Variants in KDM4C observed in about 807,000 individuals in gnomAD.
KDM4C encodes the protein lysine demethylase 4C, also known as lysine-specific demethylase 4C.
Under a neutral mutation model 129.3 loss-of-function variants are expected in KDM4C, and 81 were observed. That is an observed-to-expected ratio of 0.63 (90% CI 0.52 to 0.75). The LOEUF (loss-of-function observed/expected upper bound fraction) is 0.75. Among genes scored for constraint, KDM4C ranks in the 30% least tolerant of loss-of-function variants. The pLI, the probability that KDM4C is intolerant of heterozygous loss-of-function variation, is 0.00. For missense variants in KDM4C, 1,457 were observed against 1,304.0 expected (o/e 1.12, Z -1.81); for synonymous variants, 573 against 456.1 (o/e 1.26, Z -3.26).
chr9:6,827,543 G>T (rs1834095677), intron 4 of KDM4C, among the ~76,000 whole-genome samples: 1 of 152,224 alleles, frequency 6.6e-6, no homozygotes, highest in African/African-American at 2.4e-5. Context: ...TCATCCAGCA[G>T]ATGGTGCTCT....
At chr9:6,743,015 A>C (rs1817752849) in intron 1 of KDM4C, among the ~76,000 whole-genome samples, 1 of 152,154 alleles carries the variant, frequency 6.6e-6, no homozygotes, top group African/African-American at 2.4e-5. Flanking sequence ...AGTTTAAAAA[A>C]TAAAACAAAA....
At chr9:6,753,641 T>C (rs962643766), upstream of KDM4C, among the ~76,000 whole-genome samples, 1 of 152,050 alleles carries the variant, frequency 6.6e-6, no homozygotes, top group African/African-American at 2.4e-5. Context: ...AGTCCAGGAC[T>C]GAGGGGCTGT....
rs564924143 is a variant in KDM4C at position 6,740,035 on chromosome 9, G to A, written c.49+19038G>A. On this transcript the variant is annotated intron_variant, in intron 1 of 17. Coordinates refer to the KDM4C transcript ENST00000536108. ...CTCCCAAGCAGCTGGGACTACAGGC[G>A]CGCGCCACCACACTCAGCTAATTTT... Among the ~76,000 whole-genome samples the A allele has an allele frequency of 2.8e-3, 426 of 151,998 alleles. 3 individuals carry two copies. The highest frequency in any genetic ancestry group is 4.2e-3 in the Non-Finnish European group (287 of 67,994).
At chr9:7,158,705 A>G (rs1188872577) in intron 19 of KDM4C, among the ~76,000 whole-genome samples, 2 of 152,140 alleles carry the variant, frequency 1.3e-5, no homozygotes, top group African/African-American at 4.8e-5. Flanking sequence ...GGTCTGAGAG[A>G]CAGTTTACAG....
chr9:6,741,853 C>A (rs1207000919), intron 1 of KDM4C, among the ~76,000 whole-genome samples: 2 of 151,524 alleles, frequency 1.3e-5, no homozygotes, highest in Non-Finnish European at 2.9e-5. Flanking sequence ...TCCACGTGAG[C>A]CATCATGCCT....
At chr9:6,863,579 G>A (rs1841371542) in intron 5 of KDM4C, among the ~76,000 whole-genome samples, 1 of 151,942 alleles carries the variant, frequency 6.6e-6, no homozygotes, top group African/African-American at 2.4e-5. Context: ...GGCGGATCAC[G>A]AGGTCAGGAG....
intron 8 of KDM4C, chr9:6,925,287 T>C: frequency 4.1e-6 from 4 of 985,228 alleles, no homozygotes; most frequent in Non-Finnish European, 4.8e-6. Flanking sequence ...TATGGGAAAA[T>C]ATAATAATGG....
At chr9:6,979,226 A>G (rs1816330277) in intron 8 of KDM4C, among the ~76,000 whole-genome samples, 1 of 152,204 alleles carries the variant, frequency 6.6e-6, no homozygotes, top group African/African-American at 2.4e-5. Flanking sequence ...CATTTTCTTT[A>G]TTCCAATGGC....
intron 19 of KDM4C, among the ~76,000 whole-genome samples, chr9:7,149,498 C>T (rs994363733): frequency 2.6e-5 from 4 of 152,368 alleles, no homozygotes; most frequent in Admixed American, 2.6e-4. Flanking sequence ...GGGCACGGGG[C>T]TCCCACTGGG....
chr9:6,987,760 T>C lies in KDM4C; in HGVS notation c.1677+1094T>C, dbSNP rs1461528920. ...TAGAATTGTATATCTCATTGAATTA[T>C]AAACACATCAAAAATATGAAAGATA... On this transcript the variant is annotated intron_variant, in intron 11 of 21. Coordinates refer to ENST00000381309, the MANE Select transcript of KDM4C (RefSeq NM_015061.6). Among the ~76,000 whole-genome samples the C allele has an allele frequency of 2.0e-5, 3 of 152,308 alleles. No homozygotes were observed. In the East Asian group the frequency reaches 5.8e-4, roughly 29 times the overall value.
At chr9:7,169,342 A>AT (rs1294450985) in intron 20 of KDM4C, among the ~76,000 whole-genome samples, 3 of 151,878 alleles carry the variant, frequency 2.0e-5, no homozygotes, top group Non-Finnish European at 4.4e-5. Flanking sequence ...TTATTTATTT[A>AT]TTTTTTTGTT....
chr9:7,144,854 AG>A (rs1470623861), intron 19 of KDM4C, among the ~76,000 whole-genome samples: 2 of 152,278 alleles, frequency 1.3e-5, no homozygotes, highest in Non-Finnish European at 1.5e-5. Flanking sequence ...AGCTATTCTT[AG>A]GTCTCAGCCC....
chr9:7,022,846 G>A (rs922250200), intron 15 of KDM4C, among the ~76,000 whole-genome samples: 2 of 151,826 alleles, frequency 1.3e-5, no homozygotes, highest in African/African-American at 4.8e-5. Flanking sequence ...TTTTTTGAGG[G>A]TTTTCATGAA....
chr9:7,023,643 CT>C (rs537579394), intron 15 of KDM4C, among the ~76,000 whole-genome samples: 4 of 152,024 alleles, frequency 2.6e-5, no homozygotes, highest in Admixed American at 6.6e-5. Flanking sequence ...TATTTCTACT[CT>C]GATCTTCATT....
intron 1 of KDM4C, chr9:6,734,869 C>T (rs1817471873): frequency 3.7e-6 from 2 of 542,158 alleles, no homozygotes; most frequent in Non-Finnish European, 3.7e-6. Context: ...TTGTTTCTTG[C>T]ACCAATAAGA....
rs1023185668 is a variant in KDM4C at position 6,778,520 on chromosome 9, A to G, written c.-17-14452A>G. On this transcript the variant is annotated intron_variant, in intron 1 of 21. Transcript: ENST00000381309. ...GGTAGCTCACGCCTGTAATCCCAGC[A>G]CTTTGGGAGGCTAAGCTGGGAGGAT... Among the ~76,000 whole-genome samples, 5 of 149,626 alleles carry G rather than the reference A, an allele frequency of 3.3e-5. No individual in the cohort carries two copies. In the Admixed American group the frequency reaches 3.4e-4, roughly 10 times the overall value.
At chr9:6,880,389 A>G (rs1370187638) in intron 6 of KDM4C, among the ~76,000 whole-genome samples, 3 of 152,170 alleles carry the variant, frequency 2.0e-5, no homozygotes, top group Non-Finnish European at 4.4e-5. Context: ...CATTGTGCCA[A>G]TAATTTTTTT....
intron 15 of KDM4C, among the ~76,000 whole-genome samples, chr9:7,037,908 T>A (rs1166961537): frequency 6.6e-6 from 1 of 152,128 alleles, no homozygotes; most frequent in African/African-American, 2.4e-5. Context: ...TAATAGTGAA[T>A]CATTTTATGC....
At chr9:6,863,097 T>A (rs1841260756) in intron 5 of KDM4C, among the ~76,000 whole-genome samples, 1 of 152,038 alleles carries the variant, frequency 6.6e-6, no homozygotes, top group Non-Finnish European at 1.5e-5. Context: ...CCTTAAATAT[T>A]TAAAGAGGTG....
Sources: gnomAD v4.1 joint callset for allele counts (sites outside exome capture counted in the v4.1 genomes callset) on GRCh38, gnomAD v4.1.1 for gene constraint, MANE v1.5 for transcripts, NCBI Gene and HGNC (gene_info 2026-07-23, HGNC 2026-07-21) for gene names.